The following ADCY2 variants were observed in gnomAD, a reference collection of about 807,000 sequenced individuals.
ADCY2 encodes the protein adenylate cyclase type 2.
Under a neutral mutation model 125.2 loss-of-function variants are expected in ADCY2, and 31 were observed. The observed-to-expected ratio is 0.25, with a 90% CI of 0.19 to 0.33. ADCY2 has a LOEUF of 0.33. Among genes scored for constraint, ADCY2 ranks in the 10% least tolerant of loss-of-function variants. The pLI is 1.00. For synonymous variants in ADCY2, 512 were observed against 548.4 expected (o/e 0.93, Z 0.93); for missense variants, 904 against 1,418.2 (o/e 0.64, Z 5.82).
chr5:7,693,136 A>T (rs1317885761), intron 5 of ADCY2, among the ~76,000 whole-genome samples: 1 of 152,086 alleles, frequency 6.6e-6, no homozygotes, highest in East Asian at 1.9e-4. Flanking sequence ...ATTAGTGACA[A>T]ATCTAGTTCA....
intron 16 of ADCY2, among the ~76,000 whole-genome samples, chr5:7,760,183 C>G (rs1313571338): frequency 6.6e-6 from 1 of 152,236 alleles, no homozygotes; most frequent in Non-Finnish European, 1.5e-5. Context: ...GCCTGAGATG[C>G]CAGAAGCATG....
chr5:7,810,393 G>A (rs1009881035), intron 22 of ADCY2, among the ~76,000 whole-genome samples: 3 of 151,720 alleles, frequency 2.0e-5, no homozygotes, highest in Non-Finnish European at 4.4e-5. Context: ...TACCTGATGG[G>A]TGGGTTATCT....
chr5:7,551,018 C>G (rs1198297291), intron 3 of ADCY2, among the ~76,000 whole-genome samples: 1 of 148,850 alleles, frequency 6.7e-6, no homozygotes, highest in Non-Finnish European at 1.5e-5. Flanking sequence ...TCTTCCCTCC[C>G]TCCCTCCCTC....
At chr5:7,777,073 A>G (rs544860109) in intron 18 of ADCY2, among the ~76,000 whole-genome samples, 36 of 152,100 alleles carry the variant, frequency 2.4e-4, no homozygotes, top group African/African-American at 8.2e-4. Context: ...ATATATATAC[A>G]TCCTATTAGT....
intron 2 of ADCY2, among the ~76,000 whole-genome samples, chr5:7,447,223 C>T (rs1018934127): frequency 6.6e-6 from 1 of 152,134 alleles, no homozygotes; most frequent in Non-Finnish European, 1.5e-5. Context: ...TTCTGCAACT[C>T]TCGGGTCTCT....
In ADCY2 at chr5:7,709,138, T is replaced by C; in HGVS notation, c.1402-73T>C. On this transcript the variant is annotated intron_variant, in intron 9 of 24. Coordinates refer to ENST00000338316, the MANE Select transcript of ADCY2 (RefSeq NM_020546.3). The surrounding 1 kb of genome is among the most constrained non-coding windows in gnomAD (Gnocchi z 4.4). ...GTCAGGAGGAATGACCCTAGTCCAA[T>C]GAGGTCGATGCCAAAAGGATCATGT... 7.0e-7 allele frequency: 1 copy of C among 1,430,550 alleles called. No homozygotes were observed. Among genetic ancestry groups the C allele is most frequent in the Non-Finnish European group, 9.3e-7 (1 of 1,078,514 alleles). 88.6% of individuals were successfully genotyped at this position (1,430,550 alleles called of 1,614,324 possible). A position where few individuals can be genotyped will look rare whatever the true frequency, so the allele number is the denominator to read the frequency against.
chr5:7,617,477 AG>A (rs1326469498), intron 3 of ADCY2, among the ~76,000 whole-genome samples: 2 of 151,536 alleles, frequency 1.3e-5, no homozygotes, highest in Non-Finnish European at 1.5e-5. Flanking sequence ...TATTATTATT[AG>A]TAGTAGTAGT....
At chr5:7,728,355 A>G (rs554690681) in intron 14 of ADCY2, among the ~76,000 whole-genome samples, 1 of 152,310 alleles carries the variant, frequency 6.6e-6, no homozygotes, top group East Asian at 1.9e-4. Context: ...GATGAATTGT[A>G]GAGTGGTGAA....
At chr5:7,813,176 C>T (rs1487142735) in intron 22 of ADCY2, among the ~76,000 whole-genome samples, 1 of 152,188 alleles carries the variant, frequency 6.6e-6, no homozygotes, top group Non-Finnish European at 1.5e-5. Flanking sequence ...ACAGAATGCT[C>T]CTTAGATAAC....
intron 4 of ADCY2, among the ~76,000 whole-genome samples, chr5:7,649,528 C>T (rs1433799676): frequency 6.6e-6 from 1 of 152,232 alleles, no homozygotes; most frequent in Non-Finnish European, 1.5e-5. Context: ...AAGCTGCAGA[C>T]CACAGCATGC....
intron 7 of ADCY2, among the ~76,000 whole-genome samples, chr5:7,704,154 C>A (rs1456485599): frequency 6.6e-6 from 1 of 152,030 alleles, no homozygotes; most frequent in Non-Finnish European, 1.5e-5. Context: ...TTGAGCCGTG[C>A]GTGGGATGGG....
chr5:7,752,450 A>G (rs1435342401), intron 15 of ADCY2, among the ~76,000 whole-genome samples: 1 of 150,196 alleles, frequency 6.7e-6, no homozygotes, highest in Non-Finnish European at 1.5e-5. Flanking sequence ...CTTCTCAGCC[A>G]CTCTGATATC....
intron 14 of ADCY2, among the ~76,000 whole-genome samples, chr5:7,738,680 T>G (rs138062440): frequency 6.6e-6 from 1 of 151,944 alleles, no homozygotes; most frequent in African/African-American, 2.4e-5. Context: ...AGTGAAAGGA[T>G]GGAAAACGTA....
chr5:7,493,414 G>A (rs942397885), intron 2 of ADCY2, among the ~76,000 whole-genome samples: 2 of 109,634 alleles, frequency 1.8e-5, no homozygotes, highest in African/African-American at 5.4e-5. Flanking sequence ...GAGAGGAGAG[G>A]GGGTATCGGG....
chr5:7,526,409 A>G (rs1734463693), intron 3 of ADCY2, among the ~76,000 whole-genome samples: 1 of 152,184 alleles, frequency 6.6e-6, no homozygotes, highest in Non-Finnish European at 1.5e-5. Flanking sequence ...GTAGTATGGT[A>G]GGGAAATTAT....
chr5:7,596,282 C>G (rs559772958), intron 3 of ADCY2, among the ~76,000 whole-genome samples: 19 of 148,752 alleles, frequency 1.3e-4, no homozygotes, highest in East Asian at 3.9e-4. Flanking sequence ...AACTCCCCCC[C>G]CCCACCAGTT....
Position 7,819,314 on chromosome 5 carries a change from C to T in ADCY2, c.2999-1251C>T, listed in dbSNP as rs542254964. 2.1e-4 allele frequency among the ~76,000 whole-genome samples: 32 copies of T among 152,270 alleles called. No homozygotes were observed. In the South Asian group the frequency reaches 4.1e-3, roughly 20 times the overall value. ...TAATTTGACATTTAGTATTAACTAT[C>T]GCAATGGGAGAATGACCTCTTCTAT... On this transcript the variant is annotated intron_variant, in intron 23 of 24. Transcript: ENST00000338316.
intron 1 of ADCY2, among the ~76,000 whole-genome samples, chr5:7,403,231 T>TA (rs1009147507): frequency 3.9e-5 from 6 of 152,180 alleles, no homozygotes; most frequent in Admixed American, 1.3e-4. Flanking sequence ...CTGTGGTCAT[T>TA]ATGAAAGAAA....
intron 3 of ADCY2, among the ~76,000 whole-genome samples, chr5:7,574,259 C>T (rs1273312632): frequency 6.0e-5 from 9 of 149,124 alleles, no homozygotes; most frequent in African/African-American, 1.5e-4. Flanking sequence ...GATTTATAGT[C>T]ATTTGGGTAT....
Sources: gnomAD v4.1 joint callset for allele counts (sites outside exome capture counted in the v4.1 genomes callset) on GRCh38, gnomAD v4.1.1 for gene constraint, Gnocchi (gnomAD v3.1) non-coding constraint, MANE v1.5 for transcripts, NCBI Gene and HGNC (gene_info 2026-07-23, HGNC 2026-07-21) for gene names.